TRPM7: variants seen among roughly 807,000 people sequenced by gnomAD.
TRPM7 encodes LTRPC ion channel family member 7.
TRPM7 carries 134 observed loss-of-function variants against 229.7 expected under a neutral mutation model. That is an observed-to-expected ratio of 0.58 (90% CI 0.51 to 0.67). The LOEUF is 0.67. TRPM7 is among the 30% of genes least tolerant of loss of function. TRPM7 has a pLI of 0.00. For missense variants in TRPM7, 1,901 were observed against 2,210.0 expected (o/e 0.86, Z 2.80); for synonymous variants, 699 against 715.2 (o/e 0.98, Z 0.36).
In TRPM7 at chr15:50,560,386, C is replaced by T. The variant is rs1566921723; in HGVS notation, c.*1292G>A. 6.6e-6 allele frequency: 1 copy of T among 152,046 alleles called. No individual in the cohort carries two copies. Among genetic ancestry groups the T allele is most frequent in the Non-Finnish European group, 1.5e-5 (1 of 67,914 alleles). The allele number at this position is 152,046 out of a possible 1,614,324, so 9.4% of individuals were successfully genotyped here. A position where few individuals can be genotyped will look rare whatever the true frequency, so the allele number is the denominator to read the frequency against. On this transcript the variant is annotated 3_prime_UTR_variant, in exon 39 of 39. Coordinates refer to ENST00000646667, the MANE Select transcript of TRPM7 (RefSeq NM_017672.6). The stretch of plus-strand genomic sequence containing the variant: ...TTAAGTAATACACTTTTTCTTTCTC[C>T]CCACCCCCAATCAATATTAAACACT...
At chr15:50,596,202 G>T in intron 23 of TRPM7, 53 bp downstream of exon 23, 1 of 1,241,244 alleles carries the variant, frequency 8.1e-7, no homozygotes, top group Non-Finnish European at 1.1e-6. Context: ...TTCAAAATAT[G>T]TAGAATTGCA....
intron 3 of TRPM7, among the ~76,000 whole-genome samples, chr15:50,656,498 T>TC: frequency 6.8e-6 from 1 of 146,822 alleles, no homozygotes; most frequent in Non-Finnish European, 1.5e-5. Context: ...TGTGTGGTTT[T>TC]CTTTTTTTTT....
At chr15:50,615,006 C>T (rs997834039) in intron 13 of TRPM7, among the ~76,000 whole-genome samples, 4 of 151,606 alleles carry the variant, frequency 2.6e-5, no homozygotes, top group Non-Finnish European at 5.9e-5. Context: ...CCCGTCTCTA[C>T]TAAAAAAATA....
rs71124393 is a variant in TRPM7, at chr15:50,635,318, TAAAAAAA to T, written c.833-769_833-763del. Among the ~76,000 whole-genome samples, 13 of 42,946 alleles carry T rather than the reference TAAAAAAA, an allele frequency of 3.0e-4. No homozygotes were observed. The East Asian group carries it at 6.9e-3, about 23-fold the overall frequency. 28.2% of individuals were successfully genotyped at this position (42,946 alleles called of 152,430 possible). A position where few individuals can be genotyped will look rare whatever the true frequency, so the allele number is the denominator to read the frequency against. ...GGTGACAGAGCGAGACTCCCTCACA[TAAAAAAA>T]AAAAAAAAAAAAAAAAAAAAGACTG... On this transcript the variant is annotated intron_variant, in intron 7 of 38. Coordinates refer to ENST00000646667, the MANE Select transcript of TRPM7 (RefSeq NM_017672.6).
chr15:50,660,848 T>C (rs1428890736), intron 2 of TRPM7, among the ~76,000 whole-genome samples: 1 of 152,194 alleles, frequency 6.6e-6, no homozygotes, highest in Non-Finnish European at 1.5e-5. Flanking sequence ...AAAGGTTTTA[T>C]CCACAAAGAT....
intron 36 of TRPM7, among the ~76,000 whole-genome samples, chr15:50,572,531 T>C (rs978735501): frequency 6.6e-6 from 1 of 152,238 alleles, no homozygotes; most frequent in Admixed American, 6.5e-5. Flanking sequence ...AATTTAACTT[T>C]TATATGTACT....
rs2053259042 is a variant in TRPM7 at position 50,560,226 on chromosome 15, A to C, written c.*1452T>G. The C allele has an allele frequency of 6.6e-6, 1 of 152,570 alleles. No homozygotes were observed. The highest frequency in any genetic ancestry group is 6.5e-5 in the Admixed American group (1 of 15,276). 9.5% of individuals were successfully genotyped at this position (152,570 alleles called of 1,614,324 possible). A position where few individuals can be genotyped will look rare whatever the true frequency, so the allele number is the denominator to read the frequency against. On this transcript the variant is annotated 3_prime_UTR_variant, in exon 39 of 39. Transcript: ENST00000646667. ...GTATACAAATGGTTCATTTAAAAAA[A>C]CTGATACTCAAATTGACACCCTGAA...
chr15:50,632,766 A>G lies in TRPM7; in HGVS notation c.1131+103T>C, dbSNP rs1376050080. ...ATGGTTAATAAAGATTTCAAAGTTT[A>G]AAATCCAAATAAAAACAAAAGTATT... is the stretch of plus-strand genomic sequence containing the variant. On this transcript the variant is annotated intron_variant, in intron 9 of 38. Transcript: ENST00000646667. The G allele has an allele frequency of 2.6e-6, 3 of 1,139,410 alleles. No individual in the cohort carries two copies. The African/African-American group carries it at 4.9e-5, about 18-fold the overall frequency. 70.6% of individuals were successfully genotyped at this position (1,139,410 alleles called of 1,614,324 possible). A position where few individuals can be genotyped will look rare whatever the true frequency, so the allele number is the denominator to read the frequency against.
chr15:50,645,338 G>C (rs1217089067), intron 4 of TRPM7, among the ~76,000 whole-genome samples: 3 of 151,708 alleles, frequency 2.0e-5, no homozygotes, highest in African/African-American at 7.3e-5. Context: ...TACCACACCA[G>C]ACCAAGAATG....
At chr15:50,613,072 ATTCTAAT>A (rs1160728692) in intron 15 of TRPM7, among the ~76,000 whole-genome samples, 2 of 152,234 alleles carry the variant, frequency 1.3e-5, no homozygotes, top group Non-Finnish European at 2.9e-5. Flanking sequence ...TTCAACTAAT[ATTCTAAT>A]AGAACATAAT....
intron 28 of TRPM7, among the ~76,000 whole-genome samples, chr15:50,584,231 T>C (rs928074053): frequency 6.6e-6 from 1 of 152,188 alleles, no homozygotes; most frequent in Non-Finnish European, 1.5e-5. Flanking sequence ...ACAAAATTTG[T>C]ATTCCAGGTG....
Position 50,686,712 on chromosome 15 carries a change from T to G in TRPM7, c.-179A>C. 5.0e-6 allele frequency: 4 copies of G among 796,060 alleles called. No homozygotes were observed. In the South Asian group the frequency reaches 5.8e-5, roughly 11 times the overall value. 49.3% of individuals were successfully genotyped at this position (796,060 alleles called of 1,614,324 possible). A position where few individuals can be genotyped will look rare whatever the true frequency, so the allele number is the denominator to read the frequency against. On this transcript the variant is annotated 5_prime_UTR_variant, in exon 1 of 39. Coordinates refer to ENST00000646667, the MANE Select transcript of TRPM7 (RefSeq NM_017672.6). ...CGGCGCTAGCAGCAGAAGCCGAGTC[T>G]TTCATAATTGTGCGACCAACTCCTC... is the stretch of plus-strand genomic sequence containing the variant.
chr15:50,579,708 G>A (rs2054310351), intron 30 of TRPM7, among the ~76,000 whole-genome samples: 2 of 152,158 alleles, frequency 1.3e-5, no homozygotes, highest in South Asian at 2.1e-4. Context: ...CCATTCCAGG[G>A]TCAGGAAACT....
At chr15:50,623,698 G>A (rs747287765) in intron 12 of TRPM7, among the ~76,000 whole-genome samples, 5 of 151,338 alleles carry the variant, frequency 3.3e-5, no homozygotes, top group African/African-American at 1.2e-4. Flanking sequence ...TCTTTGTTAC[G>A]AGAATAGTAA....
intron 7 of TRPM7, among the ~76,000 whole-genome samples, chr15:50,637,020 G>A (rs977023639): frequency 6.6e-6 from 1 of 152,014 alleles, no homozygotes; most frequent in Non-Finnish European, 1.5e-5. Context: ...TAGCTACTCA[G>A]GAGGCTGAGG....
Position 50,557,289 on chromosome 15 carries a change from G to T in TRPM7, c.*4389C>A, listed in dbSNP as rs971710232. The T allele has an allele frequency of 1.3e-5, 2 of 152,156 alleles. No homozygotes were observed. Among genetic ancestry groups the T allele is most frequent in the Non-Finnish European group, 2.9e-5 (2 of 68,026 alleles). The allele number at this position is 152,156 out of a possible 1,614,324, so 9.4% of individuals were successfully genotyped here. On this transcript the variant is annotated 3_prime_UTR_variant, in exon 39 of 39. Transcript: ENST00000646667. ...TTATGGAAAAACATTTTGTCATTCA[G>T]ATTTTTTTTTCTTACAGTATGCCCA...
At chr15:50,652,486 T>A (rs1035945724) in intron 3 of TRPM7, among the ~76,000 whole-genome samples, 1 of 132,372 alleles carries the variant, frequency 7.6e-6, no homozygotes, top group Non-Finnish European at 1.6e-5. Flanking sequence ...GGAAAATAAA[T>A]CAACACTCCA....
At chr15:50,582,808 T>A (rs2054485712) in intron 29 of TRPM7, among the ~76,000 whole-genome samples, 1 of 152,156 alleles carries the variant, frequency 6.6e-6, no homozygotes, top group Non-Finnish European at 1.5e-5. Context: ...ATTTGCAAAA[T>A]CAATCATTAT....
chr15:50,628,562 T>A (rs768425124), intron 10 of TRPM7, among the ~76,000 whole-genome samples: 12 of 152,286 alleles, frequency 7.9e-5, no homozygotes, highest in Non-Finnish European at 1.3e-4. Context: ...CACTTCGGCC[T>A]CCCAGTGTGC....
Sources: allele counts gnomAD v4.1 joint callset (sites outside exome capture counted in the v4.1 genomes callset), GRCh38; gene constraint gnomAD v4.1.1; transcripts MANE v1.5; gene names NCBI Gene and HGNC (gene_info 2026-07-23, HGNC 2026-07-21).